The following HTR1F variants were observed in gnomAD, a reference collection of about 807,000 sequenced individuals.
HTR1F encodes the protein 5-hydroxytryptamine (serotonin) receptor 1F, G protein-coupled.
A neutral mutation model predicts 24.0 loss-of-function variants in HTR1F; 17 were observed. The ratio of observed to expected loss-of-function variants is 0.71; its 90% CI spans 0.48 to 1.06. The LOEUF (loss-of-function observed/expected upper bound fraction) is 1.06. Ranked by LOEUF, HTR1F falls within the 50% of genes least tolerant of loss-of-function variation. HTR1F has a pLI of 0.00. For missense variants in HTR1F, 391 were observed against 427.8 expected (o/e 0.91, Z 0.76); for synonymous variants, 186 against 156.8 (o/e 1.19, Z -1.39).
intron 2 of HTR1F, among the ~76,000 whole-genome samples, chr3:87,892,483 A>C (rs1706106331): frequency 6.6e-6 from 1 of 152,206 alleles, no homozygotes; most frequent in African/African-American, 2.4e-5. Flanking sequence ...CTACAAAATT[A>C]GAGACCTGAA....
chr3:87,829,030 C>A (rs1162682191), intron 2 of HTR1F, among the ~76,000 whole-genome samples: 7 of 142,742 alleles, frequency 4.9e-5, no homozygotes, highest in South Asian at 2.2e-4. Context: ...TTTATTGTGG[C>A]AAAGTCAGCA....
chr3:87,942,501 T>C (rs1704594168), intron 2 of HTR1F, among the ~76,000 whole-genome samples: 2 of 149,238 alleles, frequency 1.3e-5, no homozygotes, highest in South Asian at 4.3e-4. Context: ...ATCATCTGGT[T>C]AGTGGCTTCT....
intron 2 of HTR1F, among the ~76,000 whole-genome samples, chr3:87,957,673 C>T (rs1402358957): frequency 6.6e-6 from 1 of 151,098 alleles, no homozygotes; most frequent in African/African-American, 2.4e-5. Context: ...ATCTAAGTTG[C>T]CTAATTTGTT....
At chr3:87,978,771 A>G (rs1705455084) in intron 2 of HTR1F, among the ~76,000 whole-genome samples, 1 of 149,828 alleles carries the variant, frequency 6.7e-6, no homozygotes, top group African/African-American at 2.5e-5. Flanking sequence ...CTAGAAGGAG[A>G]GAGGGAGAGA....
chr3:87,882,930 T>C (rs1188054603), intron 2 of HTR1F, among the ~76,000 whole-genome samples: 1 of 152,192 alleles, frequency 6.6e-6, no homozygotes, highest in Non-Finnish European at 1.5e-5. Context: ...CCTGTCTGAC[T>C]GCTCTGAAGA....
At chr3:87,935,697 G>A (rs1471098125) in intron 2 of HTR1F, among the ~76,000 whole-genome samples, 2 of 151,948 alleles carry the variant, frequency 1.3e-5, no homozygotes, top group Non-Finnish European at 2.9e-5. Flanking sequence ...TTTCCATTTT[G>A]TTGAAAAATA....
At chr3:87,818,099 T>C (rs1332262140) in intron 1 of HTR1F, among the ~76,000 whole-genome samples, 1 of 152,202 alleles carries the variant, frequency 6.6e-6, no homozygotes, top group Non-Finnish European at 1.5e-5. Context: ...ACTATTTGCA[T>C]CTTGTTGAAG....
chr3:87,920,980 A>G (rs1299526631), intron 2 of HTR1F, among the ~76,000 whole-genome samples: 4 of 151,978 alleles, frequency 2.6e-5, no homozygotes, highest in African/African-American at 7.2e-5. Flanking sequence ...TTAATTTACT[A>G]TCTTACTATC....
At chr3:87,983,684 A>G (rs190544225) in intron 2 of HTR1F, among the ~76,000 whole-genome samples, 57 of 152,282 alleles carry the variant, frequency 3.7e-4, no homozygotes, top group African/African-American at 1.3e-3. Context: ...TCTGACCCCA[A>G]TCTGCATCCC....
intron 1 of HTR1F, among the ~76,000 whole-genome samples, chr3:87,810,094 T>C (rs569723997): frequency 6.6e-6 from 1 of 152,260 alleles, no homozygotes; most frequent in South Asian, 2.1e-4. Flanking sequence ...TCTTTTGTCA[T>C]TGTCTTTTTT....
chr3:87,972,167 C>G (rs560363955), intron 2 of HTR1F, among the ~76,000 whole-genome samples: 1 of 152,262 alleles, frequency 6.6e-6, no homozygotes, highest in Admixed American at 6.5e-5. Context: ...ATCTTACATT[C>G]TAATGAGGGA....
chr3:87,860,637 A>AT lies in HTR1F; in HGVS notation c.-43+38521dup, dbSNP rs200128305. 9.1e-4 allele frequency among the ~76,000 whole-genome samples: 139 copies of AT among 152,070 alleles called. 2 individuals are homozygous for AT. Among genetic ancestry groups the AT allele is most frequent in the Middle Eastern group, 3.4e-3 (1 of 294 alleles). On this transcript the variant is annotated intron_variant, in intron 2 of 2. Coordinates refer to ENST00000319595, the MANE Select transcript of HTR1F (RefSeq NM_001322209.2). ...AAGTAATACACATAGTGAGAGATCC[A>AT]TTTTTTTTCTATTTTATTAAGGTTG...
chr3:87,858,878 C>T (rs1001935906), intron 2 of HTR1F, among the ~76,000 whole-genome samples: 1 of 152,072 alleles, frequency 6.6e-6, no homozygotes, highest in Non-Finnish European at 1.5e-5. Context: ...TTCTTTTTCA[C>T]CAGTGCATTT....
chr3:87,918,318 G>T (rs2107368981), intron 2 of HTR1F, among the ~76,000 whole-genome samples: 1 of 152,124 alleles, frequency 6.6e-6, no homozygotes, highest in African/African-American at 2.4e-5. Context: ...AGAAGACAAG[G>T]ATGTTTACTC....
intron 2 of HTR1F, among the ~76,000 whole-genome samples, chr3:87,942,302 A>G (rs1432442033): frequency 6.6e-6 from 1 of 152,102 alleles, no homozygotes; most frequent in Non-Finnish European, 1.5e-5. Context: ...TGGCTGTCCT[A>G]GGACCCCTCA....
At chr3:87,814,030 T>C (rs968384814) in intron 1 of HTR1F, among the ~76,000 whole-genome samples, 18 of 152,216 alleles carry the variant, frequency 1.2e-4, no homozygotes, top group Admixed American at 9.8e-4. Flanking sequence ...TTAGCATTTT[T>C]AAAAGTGGTT....
At chr3:87,817,272 T>C (rs1197184894) in intron 1 of HTR1F, among the ~76,000 whole-genome samples, 1 of 152,176 alleles carries the variant, frequency 6.6e-6, no homozygotes, top group Non-Finnish European at 1.5e-5. Flanking sequence ...TTTTAAACCA[T>C]CTTAGTTGAC....
intron 2 of HTR1F, among the ~76,000 whole-genome samples, chr3:87,925,585 A>C (rs1346307085): frequency 6.6e-6 from 1 of 152,186 alleles, no homozygotes; most frequent in Non-Finnish European, 1.5e-5. Flanking sequence ...ACAATGCCCC[A>C]TAACAGTGTC....
chr3:87,921,111 T>C (rs1704004427), intron 2 of HTR1F, among the ~76,000 whole-genome samples: 1 of 151,968 alleles, frequency 6.6e-6, no homozygotes, highest in Non-Finnish European at 1.5e-5. Flanking sequence ...GTCGAACATC[T>C]ACAAATAAAT....
Sources: gnomAD v4.1 joint callset for allele counts (sites outside exome capture counted in the v4.1 genomes callset) on GRCh38, gnomAD v4.1.1 for gene constraint, MANE v1.5 for transcripts, NCBI Gene and HGNC (gene_info 2026-07-23, HGNC 2026-07-21) for gene names.